The following ZEB1 variants were observed in gnomAD, a reference collection of about 807,000 sequenced individuals.
ZEB1 encodes the protein zinc finger E-box-binding homeobox 1.
Under a neutral mutation model 84.9 loss-of-function variants are expected in ZEB1, and 21 were observed. That is an observed-to-expected ratio of 0.25 (90% CI 0.18 to 0.36). The LOEUF (loss-of-function observed/expected upper bound fraction) is 0.36, where lower values mean the gene tolerates loss of function less well. Ranked by LOEUF, ZEB1 falls within the 10% of genes least tolerant of loss-of-function variation. ZEB1 has a pLI of 1.00. For synonymous variants in ZEB1, 420 were observed against 471.1 expected (o/e 0.89, Z 1.41); for missense variants, 1,104 against 1,330.2 (o/e 0.83, Z 2.65).
At chr10:31,471,617 C>T (rs1308150566) in intron 2 of ZEB1, among the ~76,000 whole-genome samples, 2 of 143,432 alleles carry the variant, frequency 1.4e-5, no homozygotes, top group African/African-American at 5.4e-5. Flanking sequence ...TAATGGGAGA[C>T]TTTAACACCC....
At chr10:31,440,820 A>T (rs1038009775) in intron 1 of ZEB1, among the ~76,000 whole-genome samples, 2 of 152,206 alleles carry the variant, frequency 1.3e-5, no homozygotes, top group African/African-American at 4.8e-5. Context: ...CTTCAAAGAG[A>T]ATAAAATACC....
intron 1 of ZEB1, among the ~76,000 whole-genome samples, chr10:31,383,793 T>A (rs775957097): frequency 1.3e-5 from 2 of 152,118 alleles, no homozygotes; most frequent in Non-Finnish European, 2.9e-5. Flanking sequence ...AAAGTTCTAT[T>A]GTACAGTGTT....
At chr10:31,392,839 T>A (rs1001534024) in intron 1 of ZEB1, among the ~76,000 whole-genome samples, 3 of 151,692 alleles carry the variant, frequency 2.0e-5, no homozygotes, top group East Asian at 1.9e-4. Context: ...ATATATATAT[T>A]TTTTTGTTTG....
chr10:31,526,211 AGT>A (rs2073409731), intron 8 of ZEB1, among the ~76,000 whole-genome samples: 1 of 152,246 alleles, frequency 6.6e-6, no homozygotes, highest in South Asian at 2.1e-4. Flanking sequence ...GTATATAAAA[AGT>A]GTATAGTAAA....
chr10:31,450,873 C>CGTGTGTGTGTGTGT (rs137905132), intron 1 of ZEB1, among the ~76,000 whole-genome samples: 5,315 of 149,490 alleles, frequency 0.036, 103 homozygotes, highest in South Asian at 0.059. Flanking sequence ...TAGGACTGAG[C>CGTGTGTGTGTGTGT]GTGTGTGTGT....
At chr10:31,436,640 G>C (rs1191450489) in intron 1 of ZEB1, among the ~76,000 whole-genome samples, 1 of 152,124 alleles carries the variant, frequency 6.6e-6, no homozygotes, top group African/African-American at 2.4e-5. Context: ...AATGGATTCA[G>C]TGCATATAAA....
At chr10:31,450,124 C>G (rs1010770295) in intron 1 of ZEB1, among the ~76,000 whole-genome samples, 4 of 152,168 alleles carry the variant, frequency 2.6e-5, no homozygotes, top group Non-Finnish European at 4.4e-5. Context: ...GCATTTGGAT[C>G]AAAATTGCAT....
At chr10:31,343,598 A>G (rs1264705106) in intron 1 of ZEB1, among the ~76,000 whole-genome samples, 13 of 152,114 alleles carry the variant, frequency 8.5e-5, no homozygotes, top group Admixed American at 5.9e-4. Context: ...AGAAATTAGT[A>G]TCATTCTGTC....
intron 1 of ZEB1, among the ~76,000 whole-genome samples, chr10:31,383,091 C>CATATAT (rs59226984): frequency 0.014 from 2,116 of 150,190 alleles, 59 homozygotes; most frequent in African/African-American, 0.049. Flanking sequence ...AATTATTTTA[C>CATATAT]ATATATATAT....
chr10:31,462,710 G>A (rs1196697070), intron 2 of ZEB1, among the ~76,000 whole-genome samples: 1 of 152,134 alleles, frequency 6.6e-6, no homozygotes, highest in East Asian at 1.9e-4. Flanking sequence ...CTATGTCAAG[G>A]AATTTGAACC....
chr10:31,384,168 G>T (rs1480961270), intron 1 of ZEB1, among the ~76,000 whole-genome samples: 1 of 151,742 alleles, frequency 6.6e-6, no homozygotes, highest in Admixed American at 6.6e-5. Context: ...TAGAGACGGG[G>T]TTTCTCCATG....
chr10:31,485,940 C>A (rs2065697351), intron 2 of ZEB1, among the ~76,000 whole-genome samples: 1 of 151,948 alleles, frequency 6.6e-6, no homozygotes, highest in Non-Finnish European at 1.5e-5. Context: ...CTATCATTTT[C>A]TCTTCTTGAG....
chr10:31,476,970 C>T (rs938982051), intron 2 of ZEB1, among the ~76,000 whole-genome samples: 1 of 151,824 alleles, frequency 6.6e-6, no homozygotes, highest in East Asian at 1.9e-4. Flanking sequence ...AATGGGGAAA[C>T]GTTGAAAGCA....
chr10:31,405,297 T>C (rs183079545), intron 1 of ZEB1, among the ~76,000 whole-genome samples: 34 of 152,256 alleles, frequency 2.2e-4, no homozygotes, highest in African/African-American at 7.9e-4. Context: ...CTTATGGAAG[T>C]GTCAAAGGTG....
chr10:31,526,250 T>G (rs144835139), intron 8 of ZEB1, among the ~76,000 whole-genome samples: 2,048 of 152,294 alleles, frequency 0.013, 22 homozygotes, highest in Non-Finnish European at 0.02. Flanking sequence ...GGAGCAGAGC[T>G]TGTGACTAGG....
chr10:31,440,438 A>G (rs1404484468), intron 1 of ZEB1, among the ~76,000 whole-genome samples: 1 of 152,236 alleles, frequency 6.6e-6, no homozygotes, highest in East Asian at 1.9e-4. Context: ...TGACAAATCC[A>G]CAACCAATAT....
intron 3 of ZEB1, among the ~76,000 whole-genome samples, chr10:31,499,469 C>T (rs940451011): frequency 2.0e-4 from 31 of 152,240 alleles, no homozygotes; most frequent in African/African-American, 6.7e-4. Flanking sequence ...CAACATCACA[C>T]CAGCCAGCCA....
intron 1 of ZEB1, among the ~76,000 whole-genome samples, chr10:31,388,323 T>A (rs1307073802): frequency 6.6e-6 from 1 of 152,150 alleles, no homozygotes; most frequent in East Asian, 1.9e-4. Flanking sequence ...GCTCTTAAAG[T>A]GATCCTGAAG....
chr10:31,512,169 G>T (rs2070185188), intron 5 of ZEB1, among the ~76,000 whole-genome samples: 1 of 152,098 alleles, frequency 6.6e-6, no homozygotes, highest in Admixed American at 6.5e-5. Flanking sequence ...GACAAGGCTT[G>T]GGAAAGAGCC....
Sources: gnomAD v4.1 joint callset for allele counts (sites outside exome capture counted in the v4.1 genomes callset) on GRCh38, gnomAD v4.1.1 for gene constraint, MANE v1.5 for transcripts, NCBI Gene and HGNC (gene_info 2026-07-23, HGNC 2026-07-21) for gene names.